REV1: variants seen among roughly 807,000 people sequenced by gnomAD.
The protein encoded by REV1 is REV1 DNA directed polymerase, also known as translesion synthesis protein REV1.
REV1 carries 42 observed loss-of-function variants against 137.4 expected under a neutral mutation model. The ratio of observed to expected loss-of-function variants is 0.31; its 90% confidence interval spans 0.24 to 0.40. The LOEUF is 0.40. REV1 is among the 10% of genes least tolerant of loss of function. The pLI is 1.00. For synonymous variants in REV1, 524 were observed against 519.2 expected, an observed-to-expected ratio of 1.01 and a Z score of -0.12; for missense variants, 1,282 against 1,490.1, an observed-to-expected ratio of 0.86 and a Z score of 2.30.
chr2:99,465,090 C>T, intron 1 of REV1, 105 bp from the exon 2 acceptor site: 2 of 918,384 alleles, frequency 2.2e-6, no homozygotes, highest in Non-Finnish European at 3.2e-6. Context: ...TTCAAATGTC[C>T]AACTGATGAA....
At chr2:99,416,912 C>CAAAAAAAAAAAAAA (rs755184253) in intron 12 of REV1, among the ~76,000 whole-genome samples, 12 of 77,844 alleles carry the variant, frequency 1.5e-4, no homozygotes, top group African/African-American at 3.0e-4. Context: ...GACTCCATCT[C>CAAAAAAAAAAAAAA]AAAAAAAAAA....
intron 8 of REV1, 70 bp from the exon 9 acceptor site, chr2:99,430,018 T>A: frequency 2.2e-6 from 2 of 903,474 alleles, no homozygotes; most frequent in Non-Finnish European, 3.2e-6. Context: ...TCAAGAAATT[T>A]GTTTTCCATT....
At chr2:99,479,336 A>AC (rs1478431294) in intron 1 of REV1, among the ~76,000 whole-genome samples, 3 of 151,348 alleles carry the variant, frequency 2.0e-5, no homozygotes. Context: ...CAAAAAAAAA[A>AC]AAAAAAAACA....
chr2:99,443,207 T>C (rs532838588), intron 4 of REV1, among the ~76,000 whole-genome samples: 1 of 152,332 alleles, frequency 6.6e-6, no homozygotes, highest in South Asian at 2.1e-4. Flanking sequence ...AAATAACCAA[T>C]CAATATACTT....
intron 1 of REV1, among the ~76,000 whole-genome samples, chr2:99,468,483 C>T (rs1685064054): frequency 6.6e-6 from 1 of 152,200 alleles, no homozygotes; most frequent in African/African-American, 2.4e-5. Context: ...ACTAAACCTA[C>T]TCACTAAGAA....
rs370897058 is a variant in REV1 at position 99,418,830 on chromosome 2, G to C, written c.1949C>G (p.Pro650Arg). Residue 650 changes from proline (P) to arginine (R), a missense_variant and splice_region_variant, in exon 12 of 23, where the codon CCA (proline) becomes CGA (arginine). Physicochemically the swap from Pro to Arg is moderately radical, Grantham distance 103. Transcript: ENST00000258428. ...ATTGTTAAAATATTTCTATTTACCT[G>C]GTAGATTGGTCACTAGCTGGCCTCT... ...FIRGQLVTNL[P>R]GVGHSMESKL... 6.2e-7 allele frequency: 1 copy of C among 1,609,680 alleles called. No homozygotes were observed.
rs762123691 is a variant in REV1, at chr2:99,439,315, A to C, written c.504-5T>G. 1 of 1,589,094 alleles carries C rather than the reference A, an allele frequency of 6.3e-7. No individual in the cohort carries two copies. Among genetic ancestry groups the C allele is most frequent in the East Asian group, 2.2e-5 (1 of 44,584 alleles). ...ATCTTCTTAACGATGTGATTTCTAA[A>C]GCAGGAAAAAATTTTTGAGTTAATA... On this transcript the variant is annotated splice_polypyrimidine_tract_variant and splice_region_variant and intron_variant, in intron 5 of 22. Transcript: ENST00000258428.
chr2:99,449,471 A>G lies in REV1; in HGVS notation c.215T>C (p.Met72Thr), dbSNP rs1575139332. 2.0e-6 allele frequency: 3 copies of G among 1,505,314 alleles called. No individual in the cohort carries two copies. The allele number at this position is 1,505,314 out of a possible 1,614,324, so 93.2% of individuals were successfully genotyped here. The change falls in exon 4 of 23, where the codon ATG becomes ACG. Residue 72 changes from methionine (M) to threonine (T), a missense_variant. By Grantham distance (81) the Met-to-Thr change is moderately conservative. Coordinates refer to ENST00000258428, the MANE Select transcript of REV1 (RefSeq NM_016316.4). ...PSAEELRKLM[M>T]LHGGQYHVYY... The stretch of plus-strand genomic sequence containing the variant: ...TACATGGTATTGACCTCCATGCAAC[A>G]TCATTAGTTTTCTCAATTCCTCAGC...
intron 2 of REV1, among the ~76,000 whole-genome samples, chr2:99,464,645 G>GT (rs1331955105): frequency 2.6e-5 from 4 of 152,066 alleles, no homozygotes; most frequent in Admixed American, 2.6e-4. Flanking sequence ...GTGTTTTCCT[G>GT]TTTTTCTGTA....
At chr2:99,451,734 G>C (rs111233153) in intron 3 of REV1, among the ~76,000 whole-genome samples, 10 of 151,848 alleles carry the variant, frequency 6.6e-5, no homozygotes, top group African/African-American at 2.2e-4. Context: ...CTCCTTTCGA[G>C]TAATGTATAT....
In REV1 at chr2:99,424,254, A is replaced by C. The variant is rs370104816; in HGVS notation, c.1574T>G (p.Phe525Cys). 1.2e-5 allele frequency: 19 copies of C among 1,613,800 alleles called. No individual in the cohort carries two copies. The African/African-American group carries it at 2.5e-4, about 22-fold the overall frequency. ...ACATAGTTGTTTAGCATGCCCAAAA[A>C]ACATTCCGTTCTTAATGCCAAGTTG... is the stretch of plus-strand genomic sequence containing the variant. ...ARQLGIKNGM[F>C]FGHAKQLCPN... Residue 525 changes from phenylalanine to cysteine, a missense_variant, in exon 10 of 23, where the codon TTT becomes TGT. This residue lies in a region of REV1 where 372 missense variants were observed against 482.3 expected (regional missense o/e 0.77). Transcript: ENST00000258428.
intron 4 of REV1, among the ~76,000 whole-genome samples, chr2:99,447,561 T>C (rs970801830): frequency 3.9e-5 from 6 of 152,170 alleles, no homozygotes; most frequent in African/African-American, 1.4e-4. Flanking sequence ...AATAAAATAG[T>C]AACAGTAGCT....
intron 10 of REV1, among the ~76,000 whole-genome samples, chr2:99,423,834 T>G (rs934674846): frequency 2.6e-5 from 4 of 152,174 alleles, no homozygotes; most frequent in African/African-American, 9.7e-5. Context: ...GGTTAAAAAA[T>G]TCCATCCTTC....
Position 99,402,997 on chromosome 2 carries a change from G to A in REV1, c.3276C>T (p.Asn1092=), listed in dbSNP as rs1190637264. The A allele has an allele frequency of 6.2e-7, 1 of 1,614,126 alleles. No homozygotes were observed. Among genetic ancestry groups the A allele is most frequent in the Non-Finnish European group, 8.5e-7 (1 of 1,179,960 alleles). Reference sequence around the variant, plus strand: ...TTTTTGCAGGACTGTTAAGCAGCTTGTTATTCAAAGGACTCTGAATCCTTT... The same window carrying A: ...TTTTTGCAGGACTGTTAAGCAGCTTATTATTCAAAGGACTCTGAATCCTTT... ...SPKRIQSPLN[N]KLLNSPAKTL... Residue 1092 remains asparagine (N), a synonymous_variant, in exon 20 of 23, where the codon AAC becomes AAT. Coordinates refer to ENST00000258428, the MANE Select transcript of REV1 (RefSeq NM_016316.4).
In REV1 at chr2:99,436,038, T is replaced by A. The variant is rs1680704351; in HGVS notation, c.1214-97A>T. 6.0e-5 allele frequency: 45 copies of A among 746,076 alleles called. No individual in the cohort carries two copies. In the South Asian group the frequency reaches 6.8e-4, roughly 11 times the overall value. The allele number at this position is 746,076 out of a possible 1,614,324, so 46.2% of individuals were successfully genotyped here. On this transcript the variant is annotated intron_variant, in intron 6 of 22. Coordinates refer to ENST00000258428, the MANE Select transcript of REV1 (RefSeq NM_016316.4). ...TTAGAAATTATATTTAAAACATGCT[T>A]ACACCCAGAATGGAGTCTTTTTAAA...
rs1348164189 is a variant in REV1, at chr2:99,439,219, T to G, written c.595A>C (p.Ser199Arg). 2.5e-6 allele frequency: 4 copies of G among 1,614,164 alleles called. No individual in the cohort carries two copies. The highest frequency in any genetic ancestry group is 3.3e-5 in the Admixed American group (2 of 60,030). The change falls in exon 6 of 23, where the codon AGT becomes CGT. Residue 199 changes from serine (S) to arginine (R), a missense_variant. Transcript: ENST00000258428. The stretch of plus-strand genomic sequence containing the variant: ...GAGGTCTGCTCCAGATCCACAAAAC[T>G]AAAATCATTATTTTCATCTTCTTCA... ...WNEEDENNDF[S>R]FVDLEQTSPG...
intron 7 of REV1, 158 bp downstream of exon 7, chr2:99,435,676 T>A (rs1417371710): frequency 2.0e-5 from 10 of 497,790 alleles, no homozygotes; most frequent in South Asian, 1.4e-4. Context: ...AAACTCTAAT[T>A]TCCCTATACC....
chr2:99,429,691 G>C, intron 9 of REV1, 149 bp downstream of exon 9: 1 of 504,578 alleles, frequency 2.0e-6, no homozygotes, highest in Admixed American at 4.0e-5. Flanking sequence ...GGGGGGTTGT[G>C]GGGGGCATAG....
At chr2:99,451,272 C>T in intron 3 of REV1, 2 of 892,874 alleles carry the variant, frequency 2.2e-6, no homozygotes, top group African/African-American at 3.5e-5. Flanking sequence ...TAGAAAACGG[C>T]TGTCCTTTAC....
Sources: allele counts gnomAD v4.1 joint callset (sites outside exome capture counted in the v4.1 genomes callset), GRCh38; gene constraint gnomAD v4.1.1; regional missense constraint gnomAD v4.1.1; transcripts MANE v1.5; gene names NCBI Gene and HGNC (gene_info 2026-07-23, HGNC 2026-07-21).